EPHA3: variants seen among roughly 807,000 people sequenced by gnomAD.
The protein encoded by EPHA3 is EPH receptor A3, also known as ephrin type-A receptor 3.
A neutral mutation model predicts 107.1 loss-of-function variants in EPHA3; 42 were observed. That is an observed-to-expected ratio of 0.39 (90% CI 0.31 to 0.51). EPHA3 has a LOEUF of 0.51. EPHA3 is among the 20% of genes least tolerant of loss of function. EPHA3 has a pLI of 0.78. For synonymous variants in EPHA3, 461 were observed against 424.8 expected (o/e 1.09, Z -1.05); for missense variants, 1,183 against 1,211.2 (o/e 0.98, Z 0.35).
intron 3 of EPHA3, among the ~76,000 whole-genome samples, chr3:89,287,348 G>A (rs1459068980): frequency 6.6e-6 from 1 of 152,094 alleles, no homozygotes; most frequent in Non-Finnish European, 1.5e-5. Context: ...TCAGAGAATT[G>A]AAATTATAAA....
intron 2 of EPHA3, among the ~76,000 whole-genome samples, chr3:89,171,620 C>T (rs866652119): frequency 5.3e-5 from 8 of 152,306 alleles, no homozygotes; most frequent in Middle Eastern, 3.4e-3. Flanking sequence ...GGATTGCACA[C>T]TCTTTTCTTA....
chr3:89,114,068 GTGAGAA>G (rs1707190714), intron 1 of EPHA3, among the ~76,000 whole-genome samples: 2 of 152,174 alleles, frequency 1.3e-5, no homozygotes, highest in South Asian at 4.1e-4. Flanking sequence ...ACATGGTGAA[GTGAGAA>G]TAATAGGTGA....
chr3:89,438,106 T>TTGTTC (rs1479238823), intron 13 of EPHA3, among the ~76,000 whole-genome samples: 1 of 152,070 alleles, frequency 6.6e-6, no homozygotes, highest in Non-Finnish European at 1.5e-5. Flanking sequence ...TTTTTTTGTT[T>TTGTTC]TGTTTTGTTT....
chr3:89,350,665 T>A (rs1283597849), intron 5 of EPHA3, among the ~76,000 whole-genome samples: 28 of 151,240 alleles, frequency 1.9e-4, no homozygotes, highest in Non-Finnish European at 4.0e-4. Context: ...GGTGAGGAAC[T>A]GCGTTCCTTT....
At chr3:89,124,408 C>G (rs550761228) in intron 1 of EPHA3, among the ~76,000 whole-genome samples, 1 of 152,064 alleles carries the variant, frequency 6.6e-6, no homozygotes, top group South Asian at 2.1e-4. Context: ...GGTTTGTATC[C>G]TGGGAGTCCC....
intron 16 of EPHA3, among the ~76,000 whole-genome samples, chr3:89,473,925 A>T (rs1465952873): frequency 6.6e-6 from 1 of 152,124 alleles, no homozygotes; most frequent in East Asian, 1.9e-4. Context: ...GAAACTGTTC[A>T]TCTTTGTGTC....
chr3:89,408,800 C>G (rs1342930020), intron 9 of EPHA3, among the ~76,000 whole-genome samples: 1 of 151,948 alleles, frequency 6.6e-6, no homozygotes, highest in Non-Finnish European at 1.5e-5. Flanking sequence ...GTGGCAATTA[C>G]TAATCAGTAG....
At chr3:89,467,701 A>C (rs941235448) in intron 15 of EPHA3, among the ~76,000 whole-genome samples, 8 of 152,226 alleles carry the variant, frequency 5.3e-5, no homozygotes, top group Non-Finnish European at 1.5e-5. Context: ...CTCTAATGCA[A>C]CAGTATAAAA....
At chr3:89,221,614 A>G (rs1237175938) in intron 3 of EPHA3, among the ~76,000 whole-genome samples, 2 of 152,170 alleles carry the variant, frequency 1.3e-5, no homozygotes, top group East Asian at 1.9e-4. Flanking sequence ...ATTACTATTT[A>G]TTGATTGCCT....
chr3:89,439,487 T>C (rs894619956), intron 13 of EPHA3, among the ~76,000 whole-genome samples: 2 of 152,126 alleles, frequency 1.3e-5, no homozygotes, highest in East Asian at 3.9e-4. Context: ...AATTTAGTAT[T>C]ATTTCTATCA....
intron 3 of EPHA3, among the ~76,000 whole-genome samples, chr3:89,241,259 G>T (rs1281984469): frequency 1.3e-5 from 2 of 152,012 alleles, no homozygotes; most frequent in African/African-American, 4.8e-5. Flanking sequence ...TTACCTCCAC[G>T]TGTCTGGTGG....
chr3:89,337,806 C>T (rs940552602), intron 3 of EPHA3, among the ~76,000 whole-genome samples: 7 of 152,088 alleles, frequency 4.6e-5, no homozygotes, highest in East Asian at 3.9e-4. Flanking sequence ...TCAGGTATGC[C>T]GTCTGCTACA....
At chr3:89,401,086 T>A (rs1321487539) in intron 7 of EPHA3, among the ~76,000 whole-genome samples, 1 of 152,178 alleles carries the variant, frequency 6.6e-6, no homozygotes. Flanking sequence ...CCAAATTTGA[T>A]ACCTGATAAA....
intron 3 of EPHA3, among the ~76,000 whole-genome samples, chr3:89,298,898 T>C (rs1334518112): frequency 6.6e-6 from 1 of 152,098 alleles, no homozygotes; most frequent in East Asian, 1.9e-4. Context: ...GACCCCTTCA[T>C]GGGTCTCTAC....
At position 89,284,799 on chromosome 3, in the gene EPHA3, C is replaced by T. The variant is rs570319163; in HGVS notation, c.815-56117C>T. 3.9e-5 allele frequency among the ~76,000 whole-genome samples: 6 copies of T among 152,236 alleles called. No homozygotes were observed. The South Asian group carries it at 1.0e-3, about 26-fold the overall frequency. On this transcript the variant is annotated intron_variant, in intron 3 of 16. Transcript: ENST00000336596. ...CTCTTTACTTAACTTACTCCAACCA[C>T]GTTCTTCCACTTTAACATAGAATTA... is the stretch of plus-strand genomic sequence containing the variant.
chr3:89,253,549 T>C (rs753591595), intron 3 of EPHA3, among the ~76,000 whole-genome samples: 2 of 152,182 alleles, frequency 1.3e-5, no homozygotes, highest in African/African-American at 4.8e-5. Flanking sequence ...ATATATTTAT[T>C]AGAAAGAAAT....
intron 5 of EPHA3, among the ~76,000 whole-genome samples, chr3:89,382,754 A>C (rs1356054537): frequency 3.9e-5 from 6 of 152,136 alleles, no homozygotes; most frequent in Admixed American, 2.6e-4. Flanking sequence ...ATTAGGACAG[A>C]AGAATATTGC....
intron 3 of EPHA3, among the ~76,000 whole-genome samples, chr3:89,275,699 T>C (rs1705787925): frequency 6.6e-6 from 1 of 152,092 alleles, no homozygotes; most frequent in African/African-American, 2.4e-5. Context: ...GCAGACAGGG[T>C]GAAATAGAAA....
chr3:89,231,131 A>G (rs75711241), intron 3 of EPHA3, among the ~76,000 whole-genome samples: 1 of 152,144 alleles, frequency 6.6e-6, no homozygotes, highest in East Asian at 1.9e-4. Context: ...ATAATTTGCA[A>G]TGAAATGAAT....
Sources: allele counts gnomAD v4.1 joint callset (sites outside exome capture counted in the v4.1 genomes callset), GRCh38; gene constraint gnomAD v4.1.1; transcripts MANE v1.5; gene names NCBI Gene and HGNC (gene_info 2026-07-23, HGNC 2026-07-21).